MAGI1: variants seen among roughly 807,000 people sequenced by gnomAD.
The protein encoded by MAGI1 is membrane associated guanylate kinase, WW and PDZ domain containing 1, also known as membrane-associated guanylate kinase, WW and PDZ domain-containing protein 1.
MAGI1 carries 58 observed loss-of-function variants against 139.9 expected under a neutral mutation model. The ratio of observed to expected loss-of-function variants is 0.41; its 90% CI spans 0.34 to 0.52. The LOEUF is 0.52. Among genes scored for constraint, MAGI1 ranks in the 20% least tolerant of loss-of-function variants. The pLI is 0.12. For missense variants in MAGI1, 1,874 were observed against 1,901.6 expected, an observed-to-expected ratio of 0.99 and a Z score of 0.27; for synonymous variants, 812 against 737.9, an observed-to-expected ratio of 1.10 and a Z score of -1.63.
intron 2 of MAGI1, among the ~76,000 whole-genome samples, chr3:65,603,324 T>C (rs1307901351): frequency 5.3e-5 from 8 of 152,180 alleles, no homozygotes; most frequent in Admixed American, 5.2e-4. Flanking sequence ...TGATAATCTA[T>C]GATTAACAGA....
intron 8 of MAGI1, among the ~76,000 whole-genome samples, chr3:65,441,201 T>C (rs1559556568): frequency 1.3e-5 from 2 of 152,114 alleles, no homozygotes; most frequent in Non-Finnish European, 2.9e-5. Flanking sequence ...CCTCAAGTGA[T>C]CCACCTGCTT....
intron 1 of MAGI1, among the ~76,000 whole-genome samples, chr3:65,869,575 T>G (rs2059863371): frequency 6.6e-6 from 1 of 151,858 alleles, no homozygotes; most frequent in African/African-American, 2.4e-5. Flanking sequence ...TAATTTTTTG[T>G]ATTTTTAGTA....
chr3:65,524,159 A>G (rs1162320898), intron 2 of MAGI1, among the ~76,000 whole-genome samples: 2 of 152,230 alleles, frequency 1.3e-5, no homozygotes, highest in Non-Finnish European at 2.9e-5. Context: ...TTTGACAGCA[A>G]TCTTTCACAA....
chr3:65,378,667 TCTTTC>T (rs1207016253), intron 17 of MAGI1, among the ~76,000 whole-genome samples: 4 of 151,316 alleles, frequency 2.6e-5, no homozygotes, highest in Admixed American at 1.3e-4. Flanking sequence ...AAATTTCTTT[TCTTTC>T]CTTTCCTTTT....
chr3:65,401,687 G>A, intron 12 of MAGI1: 2 of 1,541,196 alleles, frequency 1.3e-6, no homozygotes, highest in Non-Finnish European at 1.8e-6. Flanking sequence ...ATCTGCATTA[G>A]CTATGCTGAC....
chr3:65,634,377 CA>C (rs1271387213), intron 1 of MAGI1, among the ~76,000 whole-genome samples: 1 of 152,256 alleles, frequency 6.6e-6, no homozygotes, highest in Non-Finnish European at 1.5e-5. Flanking sequence ...CTCCCAAAAG[CA>C]TAGCTGGTGC....
At chr3:66,014,226 T>C (rs893301333) in intron 1 of MAGI1, among the ~76,000 whole-genome samples, 1 of 152,174 alleles carries the variant, frequency 6.6e-6, no homozygotes, top group Non-Finnish European at 1.5e-5. Context: ...AAACCAGATA[T>C]TTCCCAAACA....
In MAGI1 at chr3:65,527,796, TC is replaced by T. The variant is rs557528891; in HGVS notation, c.431-34166del. ...CAGGAGTGGTGGTGCATGCCTGCAA[TC>T]CCAACTACTCAGGAGGCTGAGGTAG... On this transcript the variant is annotated intron_variant, in intron 2 of 22. Coordinates refer to ENST00000402939, the MANE Select transcript of MAGI1 (RefSeq NM_001033057.2). 7.1e-4 allele frequency among the ~76,000 whole-genome samples: 106 copies of T among 150,022 alleles called. No individual in the cohort carries two copies. In the Middle Eastern group the frequency reaches 0.014, roughly 19 times the overall value.
At chr3:65,512,660 A>G (rs2077658584) in intron 2 of MAGI1, among the ~76,000 whole-genome samples, 1 of 151,586 alleles carries the variant, frequency 6.6e-6, no homozygotes, top group Non-Finnish European at 1.5e-5. Flanking sequence ...TGTGGCAATA[A>G]TCAATAGTTT....
intron 1 of MAGI1, among the ~76,000 whole-genome samples, chr3:65,782,888 A>C (rs969274189): frequency 2.6e-5 from 4 of 151,410 alleles, no homozygotes; most frequent in African/African-American, 7.3e-5. Context: ...TAAATGTAAG[A>C]GCTAAATTAT....
intron 1 of MAGI1, among the ~76,000 whole-genome samples, chr3:65,910,878 G>C (rs1333550359): frequency 5.5e-4 from 1 of 1,832 alleles, no homozygotes; most frequent in East Asian, 0.056. Flanking sequence ...TTTTTTTTGA[G>C]ATGGAGACTC....
At position 65,355,556 on chromosome 3, in the gene MAGI1, T is replaced by A. The variant is rs1456321850; in HGVS notation, c.*822A>T. On this transcript the variant is annotated 3_prime_UTR_variant, in exon 23 of 23. Coordinates refer to ENST00000402939, the MANE Select transcript of MAGI1 (RefSeq NM_001033057.2). ...GACGAGACAACACGAAAGATGCTTGTTGTCTCTTCCTCGTAGTAATTGAGC... is the reference window on the plus strand; with the variant it reads ...GACGAGACAACACGAAAGATGCTTGATGTCTCTTCCTCGTAGTAATTGAGC... 2.0e-5 allele frequency: 3 copies of A among 152,600 alleles called. No homozygotes were observed. The highest frequency in any genetic ancestry group is 4.4e-5 in the Non-Finnish European group (3 of 68,050). The allele number at this position is 152,600 out of a possible 1,614,324, so 9.5% of individuals were successfully genotyped here. A position where few individuals can be genotyped will look rare whatever the true frequency, so the allele number is the denominator to read the frequency against.
chr3:65,404,218 A>G (rs1160382318), intron 12 of MAGI1, among the ~76,000 whole-genome samples: 2 of 152,224 alleles, frequency 1.3e-5, no homozygotes, highest in African/African-American at 2.4e-5. Context: ...CACTGATGCA[A>G]TAAAATACTA....
In MAGI1 at chr3:65,453,241, C is replaced by A. The variant is rs1235630795; in HGVS notation, c.1042+17G>T. 6.2e-7 allele frequency: 1 copy of A among 1,613,194 alleles called. No individual in the cohort carries two copies. The highest frequency in any genetic ancestry group is 8.5e-7 in the Non-Finnish European group (1 of 1,179,418). On this transcript the variant is annotated intron_variant, in intron 6 of 22. Coordinates refer to ENST00000402939, the MANE Select transcript of MAGI1 (RefSeq NM_001033057.2). ...TGCCCCCAATTCACTTAACCCAAGA[C>A]CTGCCTGGCCCCTTACCATCATCTT...
At chr3:65,793,998 C>G (rs1327454959) in intron 1 of MAGI1, among the ~76,000 whole-genome samples, 1 of 152,180 alleles carries the variant, frequency 6.6e-6, no homozygotes, top group East Asian at 1.9e-4. Context: ...AAACCCACTG[C>G]CTTCCTTTTT....
At chr3:65,604,871 T>G (rs184729674) in intron 2 of MAGI1, among the ~76,000 whole-genome samples, 546 of 152,312 alleles carry the variant, frequency 3.6e-3, no homozygotes, top group Non-Finnish European at 6.4e-3. Flanking sequence ...TGGAACATTT[T>G]CCTTAATGTG....
At chr3:66,008,876 G>C (rs1240220533) in intron 1 of MAGI1, 2 of 152,310 alleles carry the variant, frequency 1.3e-5, no homozygotes, top group Non-Finnish European at 2.9e-5. Flanking sequence ...CCTAAGAACA[G>C]AGAGAAGCCC....
At chr3:65,955,970 T>A (rs114016511) in intron 1 of MAGI1, among the ~76,000 whole-genome samples, 1 of 152,144 alleles carries the variant, frequency 6.6e-6, no homozygotes, top group East Asian at 1.9e-4. Context: ...TGCCCATGTA[T>A]GAAATATACA....
At chr3:65,473,771 G>A (rs143904913) in intron 4 of MAGI1, among the ~76,000 whole-genome samples, 201 of 149,614 alleles carry the variant, frequency 1.3e-3, no homozygotes, top group Admixed American at 2.2e-3. Context: ...CTTCAGCAAC[G>A]AGATCTTACT....
Sources: gnomAD v4.1 joint callset for allele counts (sites outside exome capture counted in the v4.1 genomes callset) on GRCh38, gnomAD v4.1.1 for gene constraint, MANE v1.5 for transcripts, NCBI Gene and HGNC (gene_info 2026-07-23, HGNC 2026-07-21) for gene names.